VWA5A: variants seen among roughly 807,000 people sequenced by gnomAD.
The protein encoded by VWA5A is von Willebrand factor A domain containing 5A, also known as von Willebrand factor A domain-containing protein 5A.
A neutral mutation model predicts 84.6 loss-of-function variants in VWA5A; 77 were observed. The observed-to-expected ratio is 0.91, with a 90% CI of 0.76 to 1.10. The LOEUF is 1.10. Among genes scored for constraint, VWA5A ranks in the 50% least tolerant of loss-of-function variants. The probability of loss-of-function intolerance (pLI) is 0.00; values close to 1 mark genes in which losing one functional copy is unlikely to be tolerated. For missense variants in VWA5A, 973 were observed against 963.0 expected (o/e 1.01, Z -0.14); for synonymous variants, 334 against 350.1 (o/e 0.95, Z 0.51).
intron 11 of VWA5A, chr11:124,124,521 C>G: frequency 7.6e-7 from 1 of 1,320,260 alleles, no homozygotes; most frequent in Non-Finnish European, 9.6e-7. Context: ...ACCATTGTTT[C>G]TTATTCTTTC....
At position 124,147,121 on chromosome 11, in the gene VWA5A, A is replaced by G. The variant is rs1377680063; in HGVS notation, c.*1176A>G. On this transcript the variant is annotated 3_prime_UTR_variant, in exon 19 of 19. Transcript: ENST00000456829. ...CATTTATTGAACTTACATTGGTTTT[A>G]TTGTCCCTTGTTTTCTGTTCCAGCT... 1 of 161,082 alleles carries G rather than the reference A, an allele frequency of 6.2e-6. No homozygotes were observed. The highest frequency in any genetic ancestry group is 2.4e-5 in the African/African-American group (1 of 41,416). 10.0% of individuals were successfully genotyped at this position (161,082 alleles called of 1,614,324 possible).
At chr11:124,136,908 A>G in intron 14 of VWA5A, 107 bp from the exon 15 acceptor site, 3 of 1,441,294 alleles carry the variant, frequency 2.1e-6, no homozygotes, top group East Asian at 4.6e-5. Flanking sequence ...CTCTCCCCTT[A>G]TCTGACTTTA....
Position 124,145,330 on chromosome 11 carries a change from A to C in VWA5A, c.2248A>C (p.Arg750=). ...GAAGTGTGAATGGGAGCTTCTGGAA[A>C]GGAAGGCCGTGGCCTGGATGCGTGC... ...DLKCEWELLE[R]KAVAWMRAHA... The change falls in exon 18 of 19, where the codon AGG becomes CGG. Residue 750 remains arginine (R), a synonymous_variant. Coordinates refer to ENST00000456829, the MANE Select transcript of VWA5A (RefSeq NM_001130142.2). 5 of 1,613,910 alleles carry C rather than the reference A, an allele frequency of 3.1e-6. No individual in the cohort carries two copies. The highest frequency in any genetic ancestry group is 4.2e-6 in the Non-Finnish European group (5 of 1,179,860).
chr11:124,116,591 GC>G lies in VWA5A; in HGVS notation c.-102del, dbSNP rs760282081. On this transcript the variant is annotated 5_prime_UTR_variant, in exon 2 of 19. Transcript: ENST00000456829. Reference sequence around the variant, plus strand: ...CCCAGCCTGTTCTACCAGAGAACTTGCCCAGGTCAGAGGTCTGCGTAGAAGC... The same window carrying G: ...CCCAGCCTGTTCTACCAGAGAACTTGCCAGGTCAGAGGTCTGCGTAGAAGC... The G allele has an allele frequency of 2.0e-3, 298 of 152,422 alleles. 1 individual carries two copies. Among genetic ancestry groups the G allele is most frequent in the Middle Eastern group, 6.8e-3 (2 of 296 alleles). The allele number at this position is 152,422 out of a possible 1,614,324, so 9.4% of individuals were successfully genotyped here.
chr11:124,134,936 A>T lies in VWA5A; in HGVS notation c.1261A>T (p.Ile421Phe), dbSNP rs1346442050. Residue 421 changes from isoleucine to phenylalanine, a missense_variant, in exon 12 of 19, where the codon ATT becomes TTT. By Grantham distance (21) the Ile-to-Phe change is conservative. Coordinates refer to ENST00000456829, the MANE Select transcript of VWA5A (RefSeq NM_001130142.2). Reference protein sequence around the residue: ...RQKHRCFSFGIGEGTSTSLIK... With the variant: ...RQKHRCFSFGFGEGTSTSLIK... ...CAATTGCAGGTGTTTCTCATTTGGTATTGGAGAAGGCACCTCCACCAGCCT... is the reference window on the plus strand; with the variant it reads ...CAATTGCAGGTGTTTCTCATTTGGTTTTGGAGAAGGCACCTCCACCAGCCT... The T allele has an allele frequency of 6.2e-7, 1 of 1,613,032 alleles. No homozygotes were observed. The highest frequency in any genetic ancestry group is 8.5e-7 in the Non-Finnish European group (1 of 1,179,528).
chr11:124,142,334 G>A, intron 16 of VWA5A, 108 bp from the exon 17 acceptor site: 2 of 1,422,142 alleles, frequency 1.4e-6, no homozygotes, highest in Non-Finnish European at 1.9e-6. Context: ...TCTTTCTATT[G>A]CATTCTTGCT....
Position 124,146,132 on chromosome 11 carries a change from C to T in VWA5A, c.*187C>T, listed in dbSNP as rs561527933. 296 of 555,066 alleles carry T rather than the reference C, an allele frequency of 5.3e-4. No homozygotes were observed. Among genetic ancestry groups the T allele is most frequent in the Non-Finnish European group, 8.1e-4 (262 of 324,060 alleles). 34.4% of individuals were successfully genotyped at this position (555,066 alleles called of 1,614,324 possible). A position where few individuals can be genotyped will look rare whatever the true frequency, so the allele number is the denominator to read the frequency against. ...TTGGATATGATCTTTCTTTTCCCAACATATGCCCTCAGAAAAGTGACAGTG... is the reference window on the plus strand; with the variant it reads ...TTGGATATGATCTTTCTTTTCCCAATATATGCCCTCAGAAAAGTGACAGTG... On this transcript the variant is annotated 3_prime_UTR_variant, in exon 19 of 19. Coordinates refer to ENST00000456829, the MANE Select transcript of VWA5A (RefSeq NM_001130142.2).
In VWA5A at chr11:124,136,129, G is replaced by C. The variant is rs761565988; in HGVS notation, c.1360G>C (p.Ala454Pro). 1 of 1,613,552 alleles carries C rather than the reference G, an allele frequency of 6.2e-7. No individual in the cohort carries two copies. ...ITGKDRMQSK[A>P]LRTLKRSLQP... ...TATTCTGTTCTCTTCCCCACATTAG[G>C]CTCTCAGGACTCTGAAACGCTCTCT... The change falls in exon 13 of 19, where the codon GCT becomes CCT. Residue 454 changes from alanine to proline, a missense_variant and splice_region_variant. By Grantham distance (27) the Ala-to-Pro change is conservative (BLOSUM62 -1). Transcript: ENST00000456829.
rs766939060 is a variant in VWA5A, at chr11:124,119,053, G to A, written c.724G>A (p.Val242Met). Residue 242 changes from valine (V) to methionine (M), a missense_variant, in exon 7 of 19, where the codon GTG becomes ATG. Transcript: ENST00000456829. Reference protein sequence around the residue: ...IYYNEVHTPSVVLEMGMPNMK... With the variant: ...IYYNEVHTPSMVLEMGMPNMK... ...CTACAATGAGGTGCATACCCCCAGC[G>A]TGGTTTTGGAGATGGGGATGCCTAA... 2.7e-5 allele frequency: 43 copies of A among 1,614,084 alleles called. No homozygotes were observed. Among genetic ancestry groups the A allele is most frequent in the African/African-American group, 1.6e-4 (12 of 74,928 alleles).
chr11:124,137,262 C>A lies in VWA5A; in HGVS notation c.1873C>A (p.Gln625Lys), dbSNP rs1208811076. The change falls in exon 15 of 19, where the codon CAA becomes AAA. Residue 625 changes from glutamine (Q) to lysine (K), a missense_variant. Transcript: ENST00000456829. ...GASAPLKIKC[Q>K]SGFRKALHSD... ...TTCTGCCCCATTGAAGATAAAATGC[C>A]AATCAGGTAATGAGTTTTATTCCAT... The A allele has an allele frequency of 6.2e-7, 1 of 1,613,918 alleles. No homozygotes were observed. The highest frequency in any genetic ancestry group is 1.1e-5 in the South Asian group (1 of 91,048).
chr11:124,131,044 A>T (rs7128361), intron 11 of VWA5A, among the ~76,000 whole-genome samples: 93,185 of 151,792 alleles, frequency 0.61, 29,841 homozygotes, highest in African/African-American at 0.81. Flanking sequence ...ATCAGTAAAC[A>T]TACTCATTTC....
At chr11:124,127,167 G>A (rs183619787) in intron 11 of VWA5A, among the ~76,000 whole-genome samples, 410 of 149,304 alleles carry the variant, frequency 2.7e-3, no homozygotes, top group Non-Finnish European at 4.3e-3. Flanking sequence ...CCCTCCCCTA[G>A]CCCCCCACCC....
chr11:124,135,105 CTG>C, intron 12 of VWA5A, 71 bp downstream of exon 12: 1 of 1,342,182 alleles, frequency 7.5e-7, no homozygotes, highest in Non-Finnish European at 1.0e-6. Context: ...GTGGGGAACA[CTG>C]TGTAAGGGCA....
chr11:124,136,062 G>A, intron 12 of VWA5A, 67 bp from the exon 13 acceptor site: 1 of 1,538,672 alleles, frequency 6.5e-7, no homozygotes, highest in South Asian at 1.2e-5. Flanking sequence ...CATAATAAAT[G>A]TCCAGTTAAT....
At chr11:124,143,315 C>T (rs1322628465) in intron 17 of VWA5A, among the ~76,000 whole-genome samples, 2 of 152,180 alleles carry the variant, frequency 1.3e-5, no homozygotes, top group Non-Finnish European at 2.9e-5. Flanking sequence ...AGGCATGAGA[C>T]AGGTGCAAAA....
chr11:124,124,783 T>C (rs997292828), intron 11 of VWA5A: 2 of 153,994 alleles, frequency 1.3e-5, no homozygotes, highest in East Asian at 3.8e-4. Context: ...TGACTTACAA[T>C]ACCATGGGTT....
intron 4 of VWA5A, 77 bp downstream of exon 4, chr11:124,117,952 T>C: frequency 6.5e-7 from 1 of 1,536,378 alleles, no homozygotes; most frequent in South Asian, 1.2e-5. Flanking sequence ...CTCTTTATGA[T>C]CTCTACTAAA....
chr11:124,125,103 T>G (rs1466647953), intron 11 of VWA5A, among the ~76,000 whole-genome samples: 1 of 152,180 alleles, frequency 6.6e-6, no homozygotes, highest in Non-Finnish European at 1.5e-5. Flanking sequence ...TATACGTAGA[T>G]TTTTCTCTGA....
intron 12 of VWA5A, 127 bp downstream of exon 12, chr11:124,135,161 A>C (rs1187136126): frequency 1.6e-6 from 1 of 641,908 alleles, no homozygotes; most frequent in Non-Finnish European, 2.5e-6. Context: ...TATATCCCCA[A>C]GGCCTTAGGC....
Sources: allele counts gnomAD v4.1 joint callset (sites outside exome capture counted in the v4.1 genomes callset), GRCh38; gene constraint gnomAD v4.1.1; transcripts MANE v1.5; gene names NCBI Gene and HGNC (gene_info 2026-07-23, HGNC 2026-07-21).